CNKSR3: variants seen among roughly 807,000 people sequenced by gnomAD.
CNKSR3 encodes connector enhancer of kinase suppressor of ras 3.
In CNKSR3, 36 loss-of-function variants were observed where a neutral mutation model predicts 67.7. The observed-to-expected ratio is 0.53, with a 90% CI of 0.41 to 0.70. The LOEUF (loss-of-function observed/expected upper bound fraction) is 0.70. CNKSR3 is among the 30% of genes least tolerant of loss of function. CNKSR3 has a pLI of 0.00. For synonymous variants in CNKSR3, 281 were observed against 271.4 expected (o/e 1.04, Z -0.35); for missense variants, 630 against 695.2 (o/e 0.91, Z 1.05).
chr6:154,408,036 T>C lies in CNKSR3; in HGVS notation c.1370-1384A>G, dbSNP rs9479839. On this transcript the variant is annotated intron_variant, in intron 12 of 12. Coordinates refer to ENST00000607772, the MANE Select transcript of CNKSR3 (RefSeq NM_173515.4). ...TATTATTGAATATTTACTTCTCCCC[T>C]TTTTTTGAGACGGAGTCTCACTCTG... Among the ~76,000 whole-genome samples, 554 of 152,198 alleles carry C rather than the reference T, an allele frequency of 3.6e-3. 6 individuals are homozygous for C. Among genetic ancestry groups the C allele is most frequent in the South Asian group, 0.023 (111 of 4,824 alleles).
chr6:154,466,794 GT>G (rs543631005), intron 1 of CNKSR3, among the ~76,000 whole-genome samples: 11 of 144,962 alleles, frequency 7.6e-5, no homozygotes, highest in Admixed American at 1.4e-4. Flanking sequence ...TAATTTTTTT[GT>G]TTTTTTTTTT....
At chr6:154,443,236 T>C (rs1477144156) in intron 2 of CNKSR3, among the ~76,000 whole-genome samples, 1 of 152,028 alleles carries the variant, frequency 6.6e-6, no homozygotes, top group African/African-American at 2.4e-5. Flanking sequence ...GGCCCAAATG[T>C]CCCCTCCCCT....
In CNKSR3 at chr6:154,405,938, A is replaced by G. The variant is rs532148510; in HGVS notation, c.*416T>C. The G allele has an allele frequency of 3.7e-4, 60 of 162,936 alleles. No homozygotes were observed. Among genetic ancestry groups the G allele is most frequent in the African/African-American group, 1.4e-3 (58 of 41,934 alleles). The allele number at this position is 162,936 out of a possible 1,614,324, so 10.1% of individuals were successfully genotyped here. A position where few individuals can be genotyped will look rare whatever the true frequency, so the allele number is the denominator to read the frequency against. Reference sequence around the variant, plus strand: ...AATGTTTTCTCACTGGCTTTTTCAGATAAAGAAGTTGGACCACAAACCAAC... The same window carrying G: ...AATGTTTTCTCACTGGCTTTTTCAGGTAAAGAAGTTGGACCACAAACCAAC... On this transcript the variant is annotated 3_prime_UTR_variant, in exon 13 of 13. Transcript: ENST00000607772.
rs767502631 is a variant in CNKSR3 at position 154,422,602 on chromosome 6, G to A, written c.849C>T (p.Thr283=). 22 of 1,613,632 alleles carry A rather than the reference G, an allele frequency of 1.4e-5. No individual in the cohort carries two copies. Among genetic ancestry groups the A allele is most frequent in the South Asian group, 3.3e-5 (3 of 91,062 alleles). ...NLVKKLRENP[T]GVVLLLKKRP... is the part of the protein sequence containing the mutation. ...GCTTCTTAAGCAGTAACACAACTCCGGTGGGATTCTCTCTCAATTTCTTCA... is the reference window on the plus strand; with the variant it reads ...GCTTCTTAAGCAGTAACACAACTCCAGTGGGATTCTCTCTCAATTTCTTCA... The change falls in exon 9 of 13, where the codon ACC becomes ACT. Residue 283 remains threonine (T), a synonymous_variant. Transcript: ENST00000607772.
At chr6:154,467,670 A>AT (rs1488102329) in intron 1 of CNKSR3, among the ~76,000 whole-genome samples, 1 of 152,096 alleles carries the variant, frequency 6.6e-6, no homozygotes, top group African/African-American at 2.4e-5. Flanking sequence ...TTTCAAGTTT[A>AT]TTTTCATAAC....
At chr6:154,418,263 G>C (rs1375593564) in intron 9 of CNKSR3, among the ~76,000 whole-genome samples, 1 of 152,216 alleles carries the variant, frequency 6.6e-6, no homozygotes, top group East Asian at 1.9e-4. Flanking sequence ...AGGCATCCTT[G>C]CTGCCTCCCC....
At chr6:154,506,072 G>A (rs1273258461) in intron 1 of CNKSR3, among the ~76,000 whole-genome samples, 2 of 152,186 alleles carry the variant, frequency 1.3e-5, no homozygotes, top group African/African-American at 4.8e-5. Flanking sequence ...CTAAAACAGG[G>A]CTGGATATAA....
At chr6:154,449,990 G>A (rs1205863293) in intron 2 of CNKSR3, 105 bp downstream of exon 2, 24 of 1,062,782 alleles carry the variant, frequency 2.3e-5, no homozygotes, top group Non-Finnish European at 3.1e-5. Flanking sequence ...TTTTGATGGA[G>A]CATTAAGGAA....
At position 154,414,381 on chromosome 6, in the gene CNKSR3, T is replaced by C. The variant is rs750027916; in HGVS notation, c.988A>G (p.Met330Val). The change falls in exon 10 of 13, where the codon ATG becomes GTG. Residue 330 changes from methionine (M) to valine (V), a missense_variant. By Grantham distance (21) the Met-to-Val change is conservative. Coordinates refer to ENST00000607772, the MANE Select transcript of CNKSR3 (RefSeq NM_173515.4). ...PATTQSPEST[M>V]DTSLKKEKSA... ...TTCTCCTTCTTCAGTGAGGTATCCA[T>C]AGTGCTTTCAGGGGACTGGGTTGTC... The C allele has an allele frequency of 3.7e-6, 6 of 1,610,256 alleles. No homozygotes were observed. Among genetic ancestry groups the C allele is most frequent in the Admixed American group, 1.7e-5 (1 of 58,916 alleles).
rs774045373 is a variant in CNKSR3, at chr6:154,507,616, C to T, written c.52+2447G>A. Among the ~76,000 whole-genome samples the T allele has an allele frequency of 5.9e-4, 90 of 152,316 alleles. 2 individuals are homozygous for T. The highest frequency in any genetic ancestry group is 2.0e-3 in the Admixed American group (31 of 15,304). On this transcript the variant is annotated intron_variant, in intron 1 of 12. Coordinates refer to ENST00000607772, the MANE Select transcript of CNKSR3 (RefSeq NM_173515.4). ...TTGGAAGATTGCAGCCTCTTATCAT[C>T]TTAGCCATCTTTTTTAGATTCGAAC...
chr6:154,444,605 C>CT (rs775511533), intron 2 of CNKSR3, among the ~76,000 whole-genome samples: 1,661 of 135,802 alleles, frequency 0.012, 20 homozygotes, highest in African/African-American at 0.034. Flanking sequence ...AGTGGAGAAA[C>CT]TTTTTTTTTT....
rs9479840 is a variant in CNKSR3, at chr6:154,410,275, G to C, written c.1369+68C>G. The C allele has an allele frequency of 5.2e-4, 568 of 1,102,264 alleles. No homozygotes were observed. The African/African-American group carries it at 7.6e-3, about 15-fold the overall frequency. 68.3% of individuals were successfully genotyped at this position (1,102,264 alleles called of 1,614,324 possible). A position where few individuals can be genotyped will look rare whatever the true frequency, so the allele number is the denominator to read the frequency against. ...TATTATAACACATTTAGAAACAGAG[G>C]TGAAACCAGGCCCTGGGGCTGTTCA... On this transcript the variant is annotated intron_variant, in intron 12 of 12. Coordinates refer to ENST00000607772, the MANE Select transcript of CNKSR3 (RefSeq NM_173515.4).
chr6:154,411,369 G>A (rs73011453), intron 10 of CNKSR3, among the ~76,000 whole-genome samples: 6,926 of 152,132 alleles, frequency 0.046, 210 homozygotes, highest in African/African-American at 0.071. Context: ...AATGCAGGCC[G>A]GACACAGCGG....
At chr6:154,448,590 G>C (rs1785758376) in intron 2 of CNKSR3, among the ~76,000 whole-genome samples, 1 of 152,144 alleles carries the variant, frequency 6.6e-6, no homozygotes, top group African/African-American at 2.4e-5. Flanking sequence ...AGAGGTCACA[G>C]AGGGAGTAGC....
At chr6:154,502,766 A>G (rs1026780367) in intron 1 of CNKSR3, among the ~76,000 whole-genome samples, 1 of 152,164 alleles carries the variant, frequency 6.6e-6, no homozygotes, top group Non-Finnish European at 1.5e-5. Context: ...ATAACATCTG[A>G]TTTTTTCACT....
chr6:154,484,091 G>A (rs1267944724), intron 1 of CNKSR3, among the ~76,000 whole-genome samples: 1 of 152,180 alleles, frequency 6.6e-6, no homozygotes, highest in East Asian at 1.9e-4. Context: ...TTTGGTTCTA[G>A]TCTAGGTCCT....
rs1299310109 is a variant in CNKSR3 at position 154,395,607 on chromosome 6, AC to A, written c.*10746del. 1.3e-5 allele frequency: 2 copies of A among 152,182 alleles called. No individual in the cohort carries two copies. Among genetic ancestry groups the A allele is most frequent in the African/African-American group, 2.4e-5 (1 of 41,438 alleles). The allele number at this position is 152,182 out of a possible 1,614,324, so 9.4% of individuals were successfully genotyped here. On this transcript the variant is annotated 3_prime_UTR_variant, in exon 13 of 13. Transcript: ENST00000607772. ...GAAAACTCAACTTTCTTGTTCTCAG[AC>A]TTTTATTAATGCAGTTTGTTGTCTC...
intron 1 of CNKSR3, among the ~76,000 whole-genome samples, chr6:154,486,289 C>CTTTTTTTTT (rs1480566559): frequency 6.7e-6 from 1 of 149,868 alleles, no homozygotes; most frequent in African/African-American, 2.5e-5. Context: ...TTTTCTCTCT[C>CTTTTTTTTT]TCTCTTTTTC....
chr6:154,467,258 G>A (rs1252603645), intron 1 of CNKSR3, among the ~76,000 whole-genome samples: 2 of 151,992 alleles, frequency 1.3e-5, no homozygotes, highest in African/African-American at 2.4e-5. Context: ...GGAGAGGCAC[G>A]GCACTGCCAA....
Sources: allele counts gnomAD v4.1 joint callset (sites outside exome capture counted in the v4.1 genomes callset), GRCh38; gene constraint gnomAD v4.1.1; transcripts MANE v1.5; gene names NCBI Gene and HGNC (gene_info 2026-07-23, HGNC 2026-07-21).